TSTD2: variants seen among roughly 807,000 people sequenced by gnomAD.
The protein encoded by TSTD2 is thiosulfate sulfurtransferase/rhodanese-like domain-containing protein 2.
In TSTD2, 37 loss-of-function variants were observed where a neutral mutation model predicts 47.9. That is an observed-to-expected ratio of 0.77 (90% CI 0.59 to 1.02). The LOEUF (loss-of-function observed/expected upper bound fraction) is 1.02, where lower values mean the gene tolerates loss of function less well. Ranked by LOEUF, TSTD2 falls within the 50% of genes least tolerant of loss-of-function variation. The probability of loss-of-function intolerance (pLI) is 0.00; values close to 1 mark genes in which losing one functional copy is unlikely to be tolerated. For synonymous variants in TSTD2, 201 were observed against 215.9 expected (o/e 0.93, Z 0.61); for missense variants, 586 against 616.0 (o/e 0.95, Z 0.52).
chr9:97,608,171 A>G (rs1208713582), intron 6 of TSTD2, among the ~76,000 whole-genome samples: 1 of 152,310 alleles, frequency 6.6e-6, no homozygotes, highest in East Asian at 1.9e-4. Context: ...CAACAGAGTG[A>G]GACTCCATCT....
In TSTD2 at chr9:97,601,054, G is replaced by T; in HGVS notation, c.*1415C>A. On this transcript the variant is annotated 3_prime_UTR_variant, in exon 10 of 10. Coordinates refer to ENST00000341170, the MANE Select transcript of TSTD2 (RefSeq NM_139246.5). Reference sequence around the variant, plus strand: ...GGCCTGCGCACTGAACTGTAAGGCAGTGGGCAGTACAGGGTAACTGGAGGC... The same window carrying T: ...GGCCTGCGCACTGAACTGTAAGGCATTGGGCAGTACAGGGTAACTGGAGGC... 1 of 1,304,060 alleles carries T rather than the reference G, an allele frequency of 7.7e-7. No individual in the cohort carries two copies. Among genetic ancestry groups the T allele is most frequent in the Non-Finnish European group, 1.0e-6 (1 of 988,836 alleles). The allele number at this position is 1,304,060 out of a possible 1,614,324, so 80.8% of individuals were successfully genotyped here.
chr9:97,619,745 T>C (rs920721998), intron 3 of TSTD2, among the ~76,000 whole-genome samples: 2 of 152,218 alleles, frequency 1.3e-5, no homozygotes, highest in African/African-American at 4.8e-5. Context: ...GTTTACATTA[T>C]TGATAAGGCT....
intron 2 of TSTD2, among the ~76,000 whole-genome samples, chr9:97,626,242 T>C (rs965969345): frequency 6.6e-6 from 1 of 152,196 alleles, no homozygotes; most frequent in East Asian, 1.9e-4. Context: ...ATAATTTTAT[T>C]CTCAGGATAT....
Position 97,602,353 on chromosome 9 carries a change from G to A in TSTD2, c.*116C>T, listed in dbSNP as rs1826275471. 1.6e-6 allele frequency: 2 copies of A among 1,276,068 alleles called. No individual in the cohort carries two copies. The highest frequency in any genetic ancestry group is 3.0e-5 in the African/African-American group (2 of 66,426). 79.0% of individuals were successfully genotyped at this position (1,276,068 alleles called of 1,614,324 possible). A position where few individuals can be genotyped will look rare whatever the true frequency, so the allele number is the denominator to read the frequency against. ...AGTGTAGACGGCTGCCACGGTGGCA[G>A]CGGCCAGAACTGAAGTTCCCGATTT... On this transcript the variant is annotated 3_prime_UTR_variant, in exon 10 of 10. Transcript: ENST00000341170.
intron 3 of TSTD2, among the ~76,000 whole-genome samples, chr9:97,624,250 G>T (rs142326434): frequency 6.6e-6 from 1 of 152,264 alleles, no homozygotes; most frequent in East Asian, 1.9e-4. Flanking sequence ...AAAAGATTGT[G>T]GTTTCTGTCT....
chr9:97,617,390 T>C (rs1471965887), intron 4 of TSTD2, among the ~76,000 whole-genome samples: 1 of 152,242 alleles, frequency 6.6e-6, no homozygotes, highest in Non-Finnish European at 1.5e-5. Context: ...TATACCAGGG[T>C]CGGCATATTA....
At chr9:97,608,826 C>G (rs1826410594) in intron 6 of TSTD2, among the ~76,000 whole-genome samples, 1 of 152,202 alleles carries the variant, frequency 6.6e-6, no homozygotes, top group East Asian at 1.9e-4. Context: ...ATGCATGAGT[C>G]TCTTTCCCAG....
chr9:97,612,388 T>C (rs377479581), intron 4 of TSTD2, among the ~76,000 whole-genome samples: 5 of 152,246 alleles, frequency 3.3e-5, no homozygotes, highest in African/African-American at 4.8e-5. Context: ...GGTCGAATGA[T>C]AGTTCTGTCT....
In TSTD2 at chr9:97,604,782, C is replaced by T; in HGVS notation, c.1197G>A (p.Lys399=). The T allele has an allele frequency of 2.5e-6, 4 of 1,614,246 alleles. No individual in the cohort carries two copies. The African/African-American group carries it at 4.0e-5, about 16-fold the overall frequency. Residue 399 remains lysine, a synonymous_variant, in exon 9 of 10, where the codon AAG becomes AAA. Transcript: ENST00000341170. ...EEFPDGFYKG[K]LFVFDERYAL... ...CATAGCGTTCATCAAAAACAAACAA[C>T]TTCCCTTTGTAAAAGCCATCAGGAA...
rs970771219 is a variant in TSTD2, at chr9:97,602,548, T to G, written c.1472A>C (p.Glu491Ala). Reference sequence around the variant, plus strand: ...AGGCTGTCGCACATGCTGCAAGAGTTCCCTAGGTATGCGTGGCCGTCGGGC... The same window carrying G: ...AGGCTGTCGCACATGCTGCAAGAGTGCCCTAGGTATGCGTGGCCGTCGGGC... ...CTARRPRIPR[E>A]LLQHVRQPVS... Residue 491 changes from glutamate to alanine, a missense_variant, in exon 10 of 10, where the codon GAA (glutamate) becomes GCA (alanine). Coordinates refer to ENST00000341170, the MANE Select transcript of TSTD2 (RefSeq NM_139246.5). 1.9e-6 allele frequency: 3 copies of G among 1,614,064 alleles called. No homozygotes were observed. The African/African-American group carries it at 4.0e-5, about 22-fold the overall frequency.
rs1005845990 is a variant in TSTD2, at chr9:97,627,328, A to T, written c.165+70T>A. On this transcript the variant is annotated intron_variant, in intron 2 of 9. Transcript: ENST00000341170. Reference sequence around the variant, plus strand: ...TACCTTGAGCTGGAGAGCAACCTTGATAACCGACTTCCAAATGTATCTGCG... The same window carrying T: ...TACCTTGAGCTGGAGAGCAACCTTGTTAACCGACTTCCAAATGTATCTGCG... 5.3e-6 allele frequency: 8 copies of T among 1,502,954 alleles called. No homozygotes were observed. The African/African-American group carries it at 1.1e-4, about 21-fold the overall frequency. The allele number at this position is 1,502,954 out of a possible 1,614,324, so 93.1% of individuals were successfully genotyped here.
intron 4 of TSTD2, among the ~76,000 whole-genome samples, chr9:97,612,096 A>G (rs1378152835): frequency 6.6e-6 from 1 of 152,152 alleles, no homozygotes; most frequent in Non-Finnish European, 1.5e-5. Context: ...CCCACTTATA[A>G]GTGAAAATAT....
chr9:97,618,058 C>G (rs1418679609), intron 3 of TSTD2, among the ~76,000 whole-genome samples, 181 bp from the exon 4 acceptor site: 1 of 152,194 alleles, frequency 6.6e-6, no homozygotes, highest in Non-Finnish European at 1.5e-5. Flanking sequence ...ATTTGCTCTA[C>G]AGAAGACAGT....
intron 1 of TSTD2, among the ~76,000 whole-genome samples, chr9:97,631,831 G>A (rs992851696): frequency 6.8e-6 from 1 of 147,040 alleles, no homozygotes; most frequent in Non-Finnish European, 1.5e-5. Context: ...GCAACAGAGC[G>A]AGACCCTGTC....
rs773295188 is a variant in TSTD2, at chr9:97,625,683, T to A, written c.480A>T (p.Ile160=). The change falls in exon 3 of 10, where the codon ATA becomes ATT. Residue 160 remains isoleucine (I), a splice_region_variant and synonymous_variant. Transcript: ENST00000341170. ...AAAATACAGAATGAAAATCTTACCT[T>A]ATCAGCTCATCAGGGTTAAAGCAGC... is the stretch of plus-strand genomic sequence containing the variant. ...DISCFNPDEL[I]SGQGSEEGEV... 1 of 1,602,222 alleles carries A rather than the reference T, an allele frequency of 6.2e-7. No individual in the cohort carries two copies. Among genetic ancestry groups the A allele is most frequent in the East Asian group, 2.2e-5 (1 of 44,662 alleles).
At chr9:97,610,294 AT>A (rs1826435869) in intron 6 of TSTD2, 51 bp downstream of exon 6, 2 of 1,500,196 alleles carry the variant, frequency 1.3e-6, no homozygotes, top group Non-Finnish European at 9.1e-7. Flanking sequence ...TTATTTGTCT[AT>A]TAAGTTTTGT....
At chr9:97,620,440 A>T (rs890035046) in intron 3 of TSTD2, among the ~76,000 whole-genome samples, 2 of 152,212 alleles carry the variant, frequency 1.3e-5, no homozygotes, top group African/African-American at 4.8e-5. Context: ...ATAAATTGGT[A>T]CTAGTAGAGT....
intron 7 of TSTD2, 87 bp from the exon 8 acceptor site, chr9:97,605,728 C>G: frequency 6.5e-7 from 1 of 1,544,040 alleles, no homozygotes; most frequent in East Asian, 2.3e-5. Flanking sequence ...ACAAACCCTA[C>G]TTAGCAAAGA....
intron 6 of TSTD2, among the ~76,000 whole-genome samples, chr9:97,608,174 C>T (rs1020873240): frequency 1.3e-5 from 2 of 152,124 alleles, no homozygotes; most frequent in African/African-American, 2.4e-5. Context: ...CAGAGTGAGA[C>T]TCCATCTCAA....
Sources: gnomAD v4.1 joint callset for allele counts (sites outside exome capture counted in the v4.1 genomes callset) on GRCh38, gnomAD v4.1.1 for gene constraint, MANE v1.5 for transcripts, NCBI Gene and HGNC (gene_info 2026-07-23, HGNC 2026-07-21) for gene names.